IMMP2L: variants seen among roughly 807,000 people sequenced by gnomAD.
IMMP2L encodes inner mitochondrial membrane peptidase subunit 2, also known as mitochondrial inner membrane protease subunit 2.
Under a neutral mutation model 19.3 loss-of-function variants are expected in IMMP2L, and 18 were observed. The ratio of observed to expected loss-of-function variants is 0.93; its 90% CI spans 0.64 to 1.38. The LOEUF (loss-of-function observed/expected upper bound fraction) is 1.38, where lower values mean the gene tolerates loss of function less well. IMMP2L is among the 40% of genes most tolerant of loss of function. The pLI is 0.00. For missense variants in IMMP2L, 233 were observed against 218.2 expected (o/e 1.07, Z -0.43); for synonymous variants, 76 against 73.0 (o/e 1.04, Z -0.21).
intron 3 of IMMP2L, among the ~76,000 whole-genome samples, chr7:111,291,152 G>A (rs1821060758): frequency 1.3e-5 from 2 of 152,182 alleles, no homozygotes; most frequent in South Asian, 2.1e-4. Context: ...TAGATAAAAA[G>A]AGGCAGTGGA....
chr7:111,447,052 C>CT (rs1325305663), intron 3 of IMMP2L, among the ~76,000 whole-genome samples: 2 of 141,564 alleles, frequency 1.4e-5, no homozygotes, highest in African/African-American at 5.4e-5. Context: ...AAATATGGGA[C>CT]TATGTGAAAA....
At chr7:111,487,756 A>T (rs1411223893) in intron 2 of IMMP2L, among the ~76,000 whole-genome samples, 1 of 152,144 alleles carries the variant, frequency 6.6e-6, no homozygotes, top group Non-Finnish European at 1.5e-5. Flanking sequence ...CCCAAATCAC[A>T]GTCATGTCCA....
intron 5 of IMMP2L, among the ~76,000 whole-genome samples, chr7:110,795,435 T>C (rs1800797042): frequency 6.6e-6 from 1 of 152,118 alleles, no homozygotes; most frequent in South Asian, 2.1e-4. Context: ...AGGGACTTTC[T>C]TTCCTATATC....
rs897702348 is a variant in IMMP2L, at chr7:111,181,153, C to T, written c.240-217588G>A. On this transcript the variant is annotated intron_variant, in intron 3 of 5. Transcript: ENST00000405709. ...TATTGTTTTTGTTGCCACTAGGCAA[C>T]TTGCACATATGTTTAGGAGCCACTT... 2.0e-5 allele frequency among the ~76,000 whole-genome samples: 3 copies of T among 151,950 alleles called. No homozygotes were observed. In the East Asian group the frequency reaches 5.8e-4, roughly 29 times the overall value.
intron 3 of IMMP2L, among the ~76,000 whole-genome samples, chr7:111,047,225 G>T (rs1212241075): frequency 2.0e-5 from 3 of 149,878 alleles, no homozygotes; most frequent in Non-Finnish European, 4.4e-5. Flanking sequence ...TTTCACTCTT[G>T]TTGCCCAAGC....
chr7:111,400,603 A>G (rs1833331274), intron 3 of IMMP2L, among the ~76,000 whole-genome samples: 1 of 152,056 alleles, frequency 6.6e-6, no homozygotes. Context: ...AGCCATCTAT[A>G]TCTGTAGTCT....
chr7:111,440,039 T>C (rs540378643), intron 3 of IMMP2L, among the ~76,000 whole-genome samples: 1 of 152,052 alleles, frequency 6.6e-6, no homozygotes, highest in South Asian at 2.1e-4. Context: ...AGCAATTCAA[T>C]CAAATCTTCT....
At chr7:110,878,209 T>C (rs370246350) in intron 5 of IMMP2L, among the ~76,000 whole-genome samples, 84 of 152,238 alleles carry the variant, frequency 5.5e-4, no homozygotes, top group African/African-American at 2.0e-3. Flanking sequence ...TTGTGCATGG[T>C]GACAGAGGAA....
At chr7:111,044,758 T>C (rs1268881702) in intron 3 of IMMP2L, among the ~76,000 whole-genome samples, 1 of 152,152 alleles carries the variant, frequency 6.6e-6, no homozygotes, top group Non-Finnish European at 1.5e-5. Flanking sequence ...TTTGATACTT[T>C]TTTTATCCCA....
chr7:111,451,182 C>T (rs968256799), intron 3 of IMMP2L, among the ~76,000 whole-genome samples: 25 of 144,350 alleles, frequency 1.7e-4, no homozygotes, highest in Admixed American at 2.7e-4. Flanking sequence ...ACTAGAAATA[C>T]CATTTGACCC....
intron 5 of IMMP2L, among the ~76,000 whole-genome samples, chr7:110,736,244 C>A (rs1440932636): frequency 6.6e-6 from 1 of 152,174 alleles, no homozygotes; most frequent in Non-Finnish European, 1.5e-5. Context: ...CAGGCACAGG[C>A]AGGGCTATCA....
At chr7:111,541,604 AT>A (rs1848510070) in intron 1 of IMMP2L, among the ~76,000 whole-genome samples, 1 of 152,156 alleles carries the variant, frequency 6.6e-6, no homozygotes, top group African/African-American at 2.4e-5. Flanking sequence ...ACTTATTTTT[AT>A]TGTCTCATCA....
At chr7:110,991,697 T>C (rs1188568444) in intron 3 of IMMP2L, among the ~76,000 whole-genome samples, 1 of 152,144 alleles carries the variant, frequency 6.6e-6, no homozygotes, top group Non-Finnish European at 1.5e-5. Context: ...CTCACAACCA[T>C]AATAGTAGTA....
At chr7:110,802,156 C>T (rs1801296723) in intron 5 of IMMP2L, among the ~76,000 whole-genome samples, 1 of 151,968 alleles carries the variant, frequency 6.6e-6, no homozygotes, top group Non-Finnish European at 1.5e-5. Flanking sequence ...GATAAGAATC[C>T]TTGGTCTACC....
chr7:110,831,303 T>C (rs1450914003), intron 5 of IMMP2L, among the ~76,000 whole-genome samples: 3 of 152,160 alleles, frequency 2.0e-5, no homozygotes. Context: ...CTTTTAAGGG[T>C]TTGTGTGATT....
chr7:111,234,252 C>T (rs1310372745), intron 3 of IMMP2L, among the ~76,000 whole-genome samples: 1 of 152,010 alleles, frequency 6.6e-6, no homozygotes, highest in South Asian at 2.1e-4. Context: ...GTTATAGATA[C>T]CTAATTTAAT....
At chr7:110,696,429 T>C (rs1257122517) in intron 5 of IMMP2L, among the ~76,000 whole-genome samples, 9 of 147,010 alleles carry the variant, frequency 6.1e-5, no homozygotes, top group African/African-American at 2.2e-4. Context: ...TTTTCTCTTT[T>C]TTTTTTTTTT....
chr7:111,305,420 C>A (rs1186694602), intron 3 of IMMP2L, among the ~76,000 whole-genome samples: 1 of 152,110 alleles, frequency 6.6e-6, no homozygotes, highest in Non-Finnish European at 1.5e-5. Flanking sequence ...CCTCCGCCTC[C>A]CAAGTTCAAG....
At chr7:111,405,448 T>C (rs1379771908) in intron 3 of IMMP2L, among the ~76,000 whole-genome samples, 1 of 151,992 alleles carries the variant, frequency 6.6e-6, no homozygotes, top group Non-Finnish European at 1.5e-5. Flanking sequence ...CACACTCAAA[T>C]CTCTAAAAAG....
Sources: allele counts gnomAD v4.1 joint callset (sites outside exome capture counted in the v4.1 genomes callset), GRCh38; gene constraint gnomAD v4.1.1; transcripts MANE v1.5; gene names NCBI Gene and HGNC (gene_info 2026-07-23, HGNC 2026-07-21).